SUGCT: variants seen among roughly 807,000 people sequenced by gnomAD.
The protein encoded by SUGCT is succinyl-CoA:glutarate CoA-transferase.
Under a neutral mutation model 55.0 loss-of-function variants are expected in SUGCT, and 41 were observed. The ratio of observed to expected loss-of-function variants is 0.74; its 90% CI spans 0.58 to 0.97. The LOEUF (loss-of-function observed/expected upper bound fraction) is 0.97, where lower values mean the gene tolerates loss of function less well. SUGCT is among the 50% of genes least tolerant of loss of function. The probability of loss-of-function intolerance (pLI) is 0.00; values close to 1 mark genes in which losing one functional copy is unlikely to be tolerated. For missense variants in SUGCT, 568 were observed against 547.8 expected (o/e 1.04, Z -0.37); for synonymous variants, 187 against 200.4 (o/e 0.93, Z 0.56).
rs1554299494 is a variant in SUGCT at position 40,272,095 on chromosome 7, C to CTCTCTCTA, written c.577-2417_577-2416insCTCTCTAT. On this transcript the variant is annotated intron_variant, in intron 7 of 13. Transcript: ENST00000335693. ...TCTCTCTCTCTCTCTCTCTCTCTCTCTATATATATATATATATGGATGTTT... is the reference window on the plus strand; with the variant it reads ...TCTCTCTCTCTCTCTCTCTCTCTCTCTCTCTCTATATATATATATATATATGGATGTTT... Among the ~76,000 whole-genome samples the CTCTCTCTA allele has an allele frequency of 4.7e-5, 4 of 85,422 alleles. No homozygotes were observed. The South Asian group carries it at 1.2e-3, about 25-fold the overall frequency. The allele number at this position is 85,422 out of a possible 152,430, so 56.0% of individuals were successfully genotyped here. A position where few individuals can be genotyped will look rare whatever the true frequency, so the allele number is the denominator to read the frequency against.
intron 12 of SUGCT, among the ~76,000 whole-genome samples, chr7:40,704,520 G>A (rs1268495778): frequency 1.3e-5 from 2 of 152,116 alleles, no homozygotes; most frequent in East Asian, 3.9e-4. Context: ...AGGTCACATA[G>A]CATAACATGG....
At chr7:40,539,816 A>G (rs946653026) in intron 12 of SUGCT, 1 of 152,240 alleles carries the variant, frequency 6.6e-6, no homozygotes, top group Admixed American at 6.5e-5. Flanking sequence ...ATTGTTTCCA[A>G]TACTAACTAA....
rs1176795438 is a variant in SUGCT, at chr7:40,760,807, C to T, written c.1153+11310C>T. Among the ~76,000 whole-genome samples, 7 of 151,754 alleles carry T rather than the reference C, an allele frequency of 4.6e-5. 1 individual carries two copies. Among genetic ancestry groups the T allele is most frequent in the Admixed American group, 4.6e-4 (7 of 15,220 alleles). On this transcript the variant is annotated intron_variant, in intron 13 of 13. Transcript: ENST00000335693. ...TGGAGATCATTGACAGGCTGTCTCACGTATTTCAGTGGCAGCTTTCTTATC... is the reference window on the plus strand; with the variant it reads ...TGGAGATCATTGACAGGCTGTCTCATGTATTTCAGTGGCAGCTTTCTTATC...
chr7:40,170,477 A>G (rs116606969), intron 1 of SUGCT, among the ~76,000 whole-genome samples: 7,188 of 152,190 alleles, frequency 0.047, 560 homozygotes, highest in African/African-American at 0.16. Flanking sequence ...TCTTAGGGTC[A>G]TTTTTGCCTT....
At chr7:40,334,699 G>T (rs1796575596) in intron 9 of SUGCT, among the ~76,000 whole-genome samples, 1 of 152,124 alleles carries the variant, frequency 6.6e-6, no homozygotes, top group South Asian at 2.1e-4. Flanking sequence ...CCATTCTGTA[G>T]GTTGCCTGTT....
chr7:40,153,539 A>G (rs1788692878), intron 1 of SUGCT: 3 of 439,354 alleles, frequency 6.8e-6, no homozygotes, highest in South Asian at 5.5e-5. Context: ...ACCTATCAAC[A>G]TTTTGGACCT....
At chr7:40,754,001 A>G (rs1339154780) in intron 13 of SUGCT, among the ~76,000 whole-genome samples, 1 of 152,200 alleles carries the variant, frequency 6.6e-6, no homozygotes, top group East Asian at 1.9e-4. Flanking sequence ...TCATCTTCAA[A>G]CTATAATAAA....
chr7:40,472,196 G>C (rs562881097), intron 11 of SUGCT, among the ~76,000 whole-genome samples: 3 of 152,044 alleles, frequency 2.0e-5, no homozygotes, highest in Non-Finnish European at 1.5e-5. Flanking sequence ...GGAGTCCTAC[G>C]TAAATGTCTT....
At chr7:40,640,214 A>C (rs1007571038) in intron 12 of SUGCT, among the ~76,000 whole-genome samples, 1 of 152,238 alleles carries the variant, frequency 6.6e-6, no homozygotes, top group Non-Finnish European at 1.5e-5. Flanking sequence ...GGGAAGTGAA[A>C]TAAATATTTA....
intron 12 of SUGCT, among the ~76,000 whole-genome samples, chr7:40,524,276 A>G (rs534139564): frequency 9.9e-5 from 15 of 152,212 alleles, no homozygotes; most frequent in Non-Finnish European, 1.6e-4. Context: ...ATAATTTCCC[A>G]AATGTTTTGC....
chr7:40,684,661 A>G (rs1784392016), intron 12 of SUGCT, among the ~76,000 whole-genome samples: 1 of 152,076 alleles, frequency 6.6e-6, no homozygotes, highest in African/African-American at 2.4e-5. Context: ...GACAATGAGG[A>G]TTTAGCTCTC....
At chr7:40,757,448 C>T (rs1285041460) in intron 13 of SUGCT, among the ~76,000 whole-genome samples, 2 of 152,160 alleles carry the variant, frequency 1.3e-5, no homozygotes, top group East Asian at 3.9e-4. Context: ...GCAACATATC[C>T]TCATCAACGT....
At chr7:40,538,976 G>A (rs1423129620) in intron 12 of SUGCT, 1 of 152,322 alleles carries the variant, frequency 6.6e-6, no homozygotes, top group Admixed American at 6.6e-5. Context: ...CTACTTGGGA[G>A]GCTGAGGCAG....
chr7:40,772,500 ATC>A (rs1789162088), intron 13 of SUGCT, among the ~76,000 whole-genome samples: 1 of 38,206 alleles, frequency 2.6e-5, no homozygotes, highest in African/African-American at 8.0e-5. Flanking sequence ...TGAAATATCT[ATC>A]TATCTATCTA....
chr7:40,421,321 G>T (rs996076272), intron 9 of SUGCT, among the ~76,000 whole-genome samples: 1 of 152,052 alleles, frequency 6.6e-6, no homozygotes, highest in African/African-American at 2.4e-5. Flanking sequence ...CTGGAGATCT[G>T]TTGCTGGGGT....
intron 1 of SUGCT, among the ~76,000 whole-genome samples, chr7:40,162,699 GTT>G (rs1784237112): frequency 6.6e-6 from 1 of 152,124 alleles, no homozygotes; most frequent in Admixed American, 6.6e-5. Flanking sequence ...TGTTGTGCTG[GTT>G]GGTCTCAAAC....
chr7:40,957,176 TA>T, the SUGCT span, among the ~76,000 whole-genome samples: 1 of 152,232 alleles, frequency 6.6e-6, no homozygotes, highest in Admixed American at 6.5e-5. Flanking sequence ...ATATCCTTGT[TA>T]ATTTTCTGTT....
chr7:40,950,893 A>C, the SUGCT span, among the ~76,000 whole-genome samples: 1 of 152,166 alleles, frequency 6.6e-6, no homozygotes, highest in African/African-American at 2.4e-5. Flanking sequence ...ATCGATGTTC[A>C]TCGGGGATAT....
intron 13 of SUGCT, among the ~76,000 whole-genome samples, chr7:40,821,176 T>C (rs188141528): frequency 1.2e-4 from 19 of 152,362 alleles, no homozygotes; most frequent in Middle Eastern, 6.8e-3. Context: ...CAGTATTTTA[T>C]TGAGGATTTT....
Sources: allele counts gnomAD v4.1 joint callset (sites outside exome capture counted in the v4.1 genomes callset), GRCh38; gene constraint gnomAD v4.1.1; transcripts MANE v1.5; gene names NCBI Gene and HGNC (gene_info 2026-07-23, HGNC 2026-07-21).